Variants in STAG1 observed in about 807,000 individuals in gnomAD.
STAG1 encodes STAG1 cohesin complex component.
A neutral mutation model predicts 170.9 loss-of-function variants in STAG1; 26 were observed. The observed-to-expected ratio is 0.15, with a 90% CI of 0.11 to 0.21. The LOEUF (loss-of-function observed/expected upper bound fraction) is 0.21, where lower values mean the gene tolerates loss of function less well. Ranked by LOEUF, STAG1 falls within the 10% of genes least tolerant of loss-of-function variation. STAG1 has a pLI of 1.00. For missense variants in STAG1, 964 were observed against 1,509.5 expected, an observed-to-expected ratio of 0.64 and a Z score of 5.99; for synonymous variants, 514 against 497.7, an observed-to-expected ratio of 1.03 and a Z score of -0.44.
chr3:136,626,909 A>G (rs1052539358), intron 2 of STAG1, among the ~76,000 whole-genome samples: 1 of 152,182 alleles, frequency 6.6e-6, no homozygotes. Flanking sequence ...TGAATTTTCT[A>G]TTTTCATGTT....
At position 136,449,312 on chromosome 3, in the gene STAG1, G is replaced by A. The variant is rs113346513; in HGVS notation, c.1428+2721C>T. ...GTGGTGGCTCACGCCTGTAATCCCA[G>A]CACTTTGGAAGGCCGAGGCAGGTGG... is the stretch of plus-strand genomic sequence containing the variant. On this transcript the variant is annotated intron_variant, in intron 14 of 33. Coordinates refer to ENST00000383202, the MANE Select transcript of STAG1 (RefSeq NM_005862.3). Among the ~76,000 whole-genome samples the A allele has an allele frequency of 3.3e-5, 5 of 152,312 alleles. 1 individual carries two copies. The highest frequency in any genetic ancestry group is 1.2e-4 in the African/African-American group (5 of 41,588).
chr3:136,578,316 T>C (rs1937520544), intron 4 of STAG1, among the ~76,000 whole-genome samples: 1 of 152,204 alleles, frequency 6.6e-6, no homozygotes, highest in African/African-American at 2.4e-5. Flanking sequence ...CACAACGTCT[T>C]GGCCTGCAGA....
chr3:136,454,342 A>C (rs984911291), intron 13 of STAG1, among the ~76,000 whole-genome samples: 12 of 150,952 alleles, frequency 7.9e-5, no homozygotes, highest in African/African-American at 2.4e-4. Flanking sequence ...AGCCTCCCAA[A>C]GTGCTGGGAT....
chr3:136,499,310 G>A (rs547771667), intron 9 of STAG1, among the ~76,000 whole-genome samples: 2 of 151,922 alleles, frequency 1.3e-5, no homozygotes, highest in East Asian at 1.9e-4. Flanking sequence ...TCAGCCTCCC[G>A]AGTAGCTGGG....
chr3:136,437,549 T>G (rs970909458), intron 15 of STAG1, among the ~76,000 whole-genome samples: 4 of 152,222 alleles, frequency 2.6e-5, no homozygotes, highest in African/African-American at 9.6e-5. Context: ...TTGATTTTAG[T>G]CTTATCACCT....
At chr3:136,580,912 G>A (rs1229624059) in intron 4 of STAG1, among the ~76,000 whole-genome samples, 2 of 151,354 alleles carry the variant, frequency 1.3e-5, no homozygotes, top group Non-Finnish European at 2.9e-5. Flanking sequence ...ACTACATCTA[G>A]ACTCTACTTT....
At chr3:136,700,577 G>C (rs1027210391) in intron 1 of STAG1, among the ~76,000 whole-genome samples, 3 of 151,142 alleles carry the variant, frequency 2.0e-5, no homozygotes, top group African/African-American at 7.3e-5. Flanking sequence ...CCGCTACCAC[G>C]CCCGGCCAAT....
At chr3:136,690,506 G>T (rs916423249) in intron 1 of STAG1, among the ~76,000 whole-genome samples, 1 of 152,138 alleles carries the variant, frequency 6.6e-6, no homozygotes, top group African/African-American at 2.4e-5. Flanking sequence ...CAAAGTGCTG[G>T]GATTACAGGC....
At chr3:136,586,740 A>C (rs768026409) in intron 4 of STAG1, 4 of 412,720 alleles carry the variant, frequency 9.7e-6, no homozygotes, top group South Asian at 1.8e-5. Context: ...TAGTGTGACT[A>C]ATCTGTATGC....
intron 2 of STAG1, among the ~76,000 whole-genome samples, chr3:136,624,085 T>C (rs1489217232): frequency 6.6e-6 from 1 of 152,012 alleles, no homozygotes; most frequent in East Asian, 1.9e-4. Context: ...AGATAATTTT[T>C]GCCCAACTCT....
At chr3:136,374,946 A>G (rs1050800183) in intron 23 of STAG1, among the ~76,000 whole-genome samples, 2 of 152,088 alleles carry the variant, frequency 1.3e-5, no homozygotes, top group Non-Finnish European at 2.9e-5. Flanking sequence ...TGTATTTTAG[A>G]TATGTTTAGA....
chr3:136,583,737 CA>C (rs1337504110), intron 4 of STAG1, among the ~76,000 whole-genome samples: 2 of 152,104 alleles, frequency 1.3e-5, no homozygotes, highest in Non-Finnish European at 2.9e-5. Context: ...TGCAGTGAGC[CA>C]AGATCGTGCC....
chr3:136,690,055 C>CCAAAAAAAAAAAAAAAAAAAAAAA (rs1942668738), intron 1 of STAG1, among the ~76,000 whole-genome samples: 3 of 53,050 alleles, frequency 5.7e-5, no homozygotes, highest in African/African-American at 1.0e-4. Context: ...AAAAAGCAAA[C>CCAAAAAAAAAAAAAAAAAAAAAAA]CAAAAAAAAA....
At chr3:136,529,690 T>C (rs1935269601) in intron 6 of STAG1, among the ~76,000 whole-genome samples, 2 of 152,026 alleles carry the variant, frequency 1.3e-5, no homozygotes. Context: ...ATGTTTACCA[T>C]GAAGAAAACA....
At chr3:136,685,005 T>C (rs948012298) in intron 1 of STAG1, among the ~76,000 whole-genome samples, 1 of 151,954 alleles carries the variant, frequency 6.6e-6, no homozygotes, top group African/African-American at 2.4e-5. Context: ...AATCAAAAAG[T>C]TGGACTTCGT....
intron 26 of STAG1, among the ~76,000 whole-genome samples, chr3:136,361,228 T>C (rs1936852024): frequency 6.6e-6 from 1 of 152,232 alleles, no homozygotes; most frequent in Non-Finnish European, 1.5e-5. Context: ...AATGGTAGCA[T>C]ACTGCATTTG....
intron 3 of STAG1, among the ~76,000 whole-genome samples, chr3:136,615,779 A>G (rs1939562948): frequency 6.8e-6 from 1 of 148,104 alleles, no homozygotes; most frequent in Non-Finnish European, 1.5e-5. Flanking sequence ...CTCCAAATCA[A>G]AAAAAAAAAG....
intron 6 of STAG1, among the ~76,000 whole-genome samples, chr3:136,536,223 T>C (rs1387142430): frequency 6.6e-6 from 1 of 152,078 alleles, no homozygotes; most frequent in Non-Finnish European, 1.5e-5. Context: ...AAAAAGATTA[T>C]CCCAGATTAA....
rs1046351003 is a variant in STAG1 at position 136,519,270 on chromosome 3, C to A, written c.676+1943G>T. Among the ~76,000 whole-genome samples, 8 of 152,190 alleles carry A rather than the reference C, an allele frequency of 5.3e-5. No individual in the cohort carries two copies. In the East Asian group the frequency reaches 1.4e-3, roughly 26 times the overall value. On this transcript the variant is annotated intron_variant, in intron 7 of 33. Transcript: ENST00000383202. ...ATTAACCTTTTAAACAGAATGCACACAAGTTTCTAGATTAAAGAAAAGTAG... is the reference window on the plus strand; with the variant it reads ...ATTAACCTTTTAAACAGAATGCACAAAAGTTTCTAGATTAAAGAAAAGTAG...
Sources: allele counts gnomAD v4.1 joint callset (sites outside exome capture counted in the v4.1 genomes callset), GRCh38; gene constraint gnomAD v4.1.1; transcripts MANE v1.5; gene names NCBI Gene and HGNC (gene_info 2026-07-23, HGNC 2026-07-21).